ZFP37: variants seen among roughly 807,000 people sequenced by gnomAD.
ZFP37 encodes the protein ZFP37 zinc finger protein.
ZFP37 carries 38 observed loss-of-function variants against 52.1 expected under a neutral mutation model. The ratio of observed to expected loss-of-function variants is 0.73; its 90% confidence interval spans 0.56 to 0.96. The LOEUF is 0.96. Among genes scored for constraint, ZFP37 ranks in the 40% least tolerant of loss-of-function variants. The pLI is 0.00. For missense variants in ZFP37, 695 were observed against 741.4 expected, an observed-to-expected ratio of 0.94 and a Z score of 0.73; for synonymous variants, 253 against 259.5, an observed-to-expected ratio of 0.98 and a Z score of 0.24.
intron 1 of ZFP37, among the ~76,000 whole-genome samples, chr9:113,051,052 A>G (rs559393065): frequency 6.6e-6 from 1 of 152,310 alleles, no homozygotes; most frequent in Non-Finnish European, 1.5e-5. Context: ...AAAGCAGCAG[A>G]AAAAGAGAAT....
intron 3 of ZFP37, among the ~76,000 whole-genome samples, chr9:113,045,059 T>A (rs1438410980): frequency 1.3e-5 from 2 of 152,122 alleles, no homozygotes; most frequent in Non-Finnish European, 2.9e-5. Context: ...TATCACAAAT[T>A]CCTGTATTTA....
chr9:113,043,049 C>A lies in ZFP37; in HGVS notation c.1569G>T (p.Gly523=), dbSNP rs756546735. 2.5e-6 allele frequency: 4 copies of A among 1,613,438 alleles called. No individual in the cohort carries two copies. Among genetic ancestry groups the A allele is most frequent in the Non-Finnish European group, 8.5e-7 (1 of 1,179,914 alleles). The change falls in exon 4 of 4, where the codon GGG becomes GGT. Residue 523 remains glycine (G), a synonymous_variant. Coordinates refer to ENST00000374227, the MANE Select transcript of ZFP37 (RefSeq NM_003408.3). ...GESPFECNQC[G]KGFKQIEGLT... ...GGCCTTCAATTTGTTTAAAGCCTTT[C>A]CCACATTGATTACATTCAAAGGGAC...
chr9:113,054,458 G>C (rs534295736), intron 1 of ZFP37, among the ~76,000 whole-genome samples: 2 of 152,188 alleles, frequency 1.3e-5, no homozygotes, highest in Non-Finnish European at 2.9e-5. Flanking sequence ...TCTTTATTGT[G>C]ATGCATTTCA....
intron 3 of ZFP37, among the ~76,000 whole-genome samples, chr9:113,047,596 G>A (rs1012617191): frequency 9.2e-5 from 14 of 151,742 alleles, no homozygotes; most frequent in Admixed American, 8.5e-4. Context: ...TGAAAAAAAA[G>A]AGAAAAAATT....
In ZFP37 at chr9:113,042,807, T is replaced by C. The variant is rs1262480350; in HGVS notation, c.1811A>G (p.Asn604Ser). 1 of 1,612,312 alleles carries C rather than the reference T, an allele frequency of 6.2e-7. No individual in the cohort carries two copies. Among genetic ancestry groups the C allele is most frequent in the East Asian group, 2.2e-5 (1 of 44,860 alleles). ...SHTGEKPYEC[N>S]ECGKTFKQNA... ...TTGTTTGAAAGTTTTCCCACATTCA[T>C]TACATTCATAGGGTTTTTCTCCAGT... The change falls in exon 4 of 4, where the codon AAT becomes AGT. Residue 604 changes from asparagine to serine, a missense_variant. Physicochemically the swap from Asn to Ser is conservative, Grantham distance 46. This residue lies in a region of ZFP37 where 326 missense variants were observed against 400.5 expected (regional missense o/e 0.81). Coordinates refer to ENST00000374227, the MANE Select transcript of ZFP37 (RefSeq NM_003408.3).
chr9:113,054,729 A>C (rs539837831), intron 1 of ZFP37, among the ~76,000 whole-genome samples: 2 of 151,964 alleles, frequency 1.3e-5, no homozygotes, highest in South Asian at 4.2e-4. Flanking sequence ...CTTTCCTCAT[A>C]CTCCATATAT....
intron 3 of ZFP37, among the ~76,000 whole-genome samples, chr9:113,045,255 A>T (rs1001697269): frequency 8.5e-5 from 13 of 152,180 alleles, no homozygotes; most frequent in Non-Finnish European, 1.9e-4. Context: ...TCCTGCTGAC[A>T]TATCTTTTCC....
At position 113,056,680 on chromosome 9, in the gene ZFP37, G is replaced by C. The variant is rs1294619076; in HGVS notation, c.9C>G (p.Val3=). The change falls in exon 1 of 4, where the codon GTC becomes GTG. Residue 3 remains valine, a synonymous_variant. Coordinates refer to ENST00000374227, the MANE Select transcript of ZFP37 (RefSeq NM_003408.3). MS[V]SSGVQILTKP... ...TTGTCAGAATCTGGACGCCGCTGGA[G>C]ACCGACATGGCGGCTACCCGGAGGG... is the stretch of plus-strand genomic sequence containing the variant. The C allele has an allele frequency of 1.9e-6, 3 of 1,612,678 alleles. No homozygotes were observed. The highest frequency in any genetic ancestry group is 2.2e-5 in the South Asian group (2 of 91,056).
intron 1 of ZFP37, among the ~76,000 whole-genome samples, chr9:113,051,115 G>A (rs1829049790): frequency 6.6e-6 from 1 of 151,988 alleles, no homozygotes; most frequent in Non-Finnish European, 1.5e-5. Context: ...TTCAAAATTG[G>A]GAAAGACTTA....
chr9:113,044,292 T>C, intron 3 of ZFP37, 24 bp from the exon 4 acceptor site: 1 of 1,525,166 alleles, frequency 6.6e-7, no homozygotes, highest in Non-Finnish European at 8.7e-7. Flanking sequence ...CAGTGAGATA[T>C]TCTTGTGAAT....
rs1423730402 is a variant in ZFP37 at position 113,056,645 on chromosome 9, G to A, written c.44C>T (p.Thr15Ile). The A allele has an allele frequency of 6.2e-7, 1 of 1,613,884 alleles. No homozygotes were observed. Among genetic ancestry groups the A allele is most frequent in the East Asian group, 2.2e-5 (1 of 44,880 alleles). The change falls in exon 1 of 4, where the codon ACC (threonine) becomes ATC (isoleucine). Residue 15 changes from threonine to isoleucine, a missense_variant. Coordinates refer to ENST00000374227, the MANE Select transcript of ZFP37 (RefSeq NM_003408.3). ...TTCCGCACTTCTCCTCCGGTCCACGGTCTCTGGCTTTGTCAGAATCTGGAC... is the reference window on the plus strand; with the variant it reads ...TTCCGCACTTCTCCTCCGGTCCACGATCTCTGGCTTTGTCAGAATCTGGAC... The part of the protein sequence containing the change: ...SGVQILTKPE[T>I]VDRRRSAETT...
At chr9:113,049,109 A>G (rs777788832) in intron 3 of ZFP37, among the ~76,000 whole-genome samples, 1 of 152,196 alleles carries the variant, frequency 6.6e-6, no homozygotes, top group Non-Finnish European at 1.5e-5. Flanking sequence ...TGATATAACC[A>G]AACTCCCGTA....
At chr9:113,049,328 T>C (rs1829014526) in intron 3 of ZFP37, 34 bp downstream of exon 3, 1 of 1,605,720 alleles carries the variant, frequency 6.2e-7, no homozygotes, top group Admixed American at 1.7e-5. Context: ...TCAGAATAAA[T>C]TATTTGCTGA....
intron 1 of ZFP37, among the ~76,000 whole-genome samples, chr9:113,050,468 C>CAAAAAAAA (rs34498194): frequency 4.1e-5 from 5 of 121,618 alleles, no homozygotes; most frequent in Middle Eastern, 4.6e-3. Context: ...GACAAATAGC[C>CAAAAAAAA]AAAAAAAAAA....
At position 113,052,463 on chromosome 9, in the gene ZFP37, C is replaced by T. The variant is rs1429748016; in HGVS notation, c.133-2591G>A. 3.3e-5 allele frequency among the ~76,000 whole-genome samples: 5 copies of T among 152,192 alleles called. No individual in the cohort carries two copies. Among genetic ancestry groups the T allele is most frequent in the Non-Finnish European group, 7.3e-5 (5 of 68,040 alleles). On this transcript the variant is annotated intron_variant, in intron 1 of 3. Coordinates refer to ENST00000374227, the MANE Select transcript of ZFP37 (RefSeq NM_003408.3). This position sits in a 1 kb window ranked among gnomAD's most constrained non-coding sequence, Gnocchi z 4.1. ...ACATGACTCAGTATATAATTGTACTCATAGCTATTATTTATTGTAGCAAAA... is the reference window on the plus strand; with the variant it reads ...ACATGACTCAGTATATAATTGTACTTATAGCTATTATTTATTGTAGCAAAA...
chr9:113,056,520 T>A lies in ZFP37; in HGVS notation c.132+37A>T, dbSNP rs773597889. 15 of 1,607,916 alleles carry A rather than the reference T, an allele frequency of 9.3e-6. No homozygotes were observed. In the South Asian group the frequency reaches 1.7e-4, roughly 18 times the overall value. ...CACTGCCCCGCAAGTACACCATCTC[T>A]GACCGCCAAAACACCCTGTCTCATC... On this transcript the variant is annotated intron_variant, in intron 1 of 3. Transcript: ENST00000374227.
intron 3 of ZFP37, 123 bp downstream of exon 3, chr9:113,049,239 C>G (rs988388744): frequency 1.8e-6 from 2 of 1,089,246 alleles, no homozygotes; most frequent in Non-Finnish European, 1.3e-6. Context: ...TTGAAATATT[C>G]TTTCCTCAGG....
chr9:113,044,379 G>C (rs997216191), intron 3 of ZFP37, 111 bp from the exon 4 acceptor site: 1 of 931,796 alleles, frequency 1.1e-6, no homozygotes, highest in African/African-American at 1.7e-5. Flanking sequence ...TTCAAGCCTG[G>C]TATACCAATG....
chr9:113,043,752 C>G lies in ZFP37; in HGVS notation c.866G>C (p.Cys289Ser). The change falls in exon 4 of 4, where the codon TGT (cysteine) becomes TCT (serine). Residue 289 changes from cysteine to serine, a missense_variant. Coordinates refer to ENST00000374227, the MANE Select transcript of ZFP37 (RefSeq NM_003408.3). ...TTGATTACATTCATAGGGTTTCACA[C>G]AAGCTTGAGGTTTTTCATGCTTAGT... is the stretch of plus-strand genomic sequence containing the variant. ...SSTKHEKPQA[C>S]VKPYECNQCG... The G allele has an allele frequency of 6.2e-7, 1 of 1,614,032 alleles. No individual in the cohort carries two copies.
Sources: gnomAD v4.1 joint callset for allele counts (sites outside exome capture counted in the v4.1 genomes callset) on GRCh38, gnomAD v4.1.1 for gene constraint, gnomAD v4.1.1 regional missense constraint, Gnocchi (gnomAD v3.1) non-coding constraint, MANE v1.5 for transcripts, NCBI Gene and HGNC (gene_info 2026-07-23, HGNC 2026-07-21) for gene names.